Variants in ZNF440 observed in about 807,000 individuals in gnomAD.
ZNF440 encodes the protein zinc finger protein 440.
A neutral mutation model predicts 49.7 loss-of-function variants in ZNF440; 47 were observed. The observed-to-expected ratio is 0.95, with a 90% CI of 0.75 to 1.21. ZNF440 has a LOEUF of 1.21. ZNF440 is among the 50% of genes most tolerant of loss of function. ZNF440 has a pLI of 0.00. For synonymous variants in ZNF440, 255 were observed against 237.7 expected (o/e 1.07, Z -0.67); for missense variants, 703 against 715.0 (o/e 0.98, Z 0.19).
chr19:11,818,211 A>G (rs1256865442), intron 1 of ZNF440, among the ~76,000 whole-genome samples: 1 of 152,220 alleles, frequency 6.6e-6, no homozygotes, highest in Non-Finnish European at 1.5e-5. Context: ...TCTCAAAAAA[A>G]AACCAAAACG....
At chr19:11,819,460 A>G (rs1599289271) in intron 1 of ZNF440, among the ~76,000 whole-genome samples, 1 of 152,048 alleles carries the variant, frequency 6.6e-6, no homozygotes, top group Admixed American at 6.6e-5. Context: ...GCGCGGTGGC[A>G]CCATCTGGGC....
rs1160057468 is a variant in ZNF440, at chr19:11,834,959, T to G, written c.*1995T>G. ...ATCCTAGCTATTCAGGAGGCTGACA[T>G]AGGAGAATTGCTTGAATATAGGAAG... On this transcript the variant is annotated 3_prime_UTR_variant, in exon 4 of 4. Transcript: ENST00000304060. 6.6e-6 allele frequency: 1 copy of G among 152,092 alleles called. No individual in the cohort carries two copies. The highest frequency in any genetic ancestry group is 1.5e-5 in the Non-Finnish European group (1 of 68,046). 9.4% of individuals were successfully genotyped at this position (152,092 alleles called of 1,614,324 possible).
At position 11,825,819 on chromosome 19, in the gene ZNF440, T is replaced by TTC. The variant is rs1975858045; in HGVS notation, c.4-4463_4-4462insCT. Among the ~76,000 whole-genome samples the TTC allele has an allele frequency of 9.2e-4, 105 of 114,292 alleles. 1 individual carries two copies. The highest frequency in any genetic ancestry group is 4.0e-3 in the African/African-American group (103 of 25,610). The allele number at this position is 114,292 out of a possible 152,430, so 75.0% of individuals were successfully genotyped here. On this transcript the variant is annotated intron_variant, in intron 1 of 3. Coordinates refer to ENST00000304060, the MANE Select transcript of ZNF440 (RefSeq NM_152357.3). The stretch of plus-strand genomic sequence containing the variant: ...TTTTTTTTCTTTTCTTTTCTTTTCT[T>TTC]TTTTTTTTTTTTTGAGACAGAGTTT...
At chr19:11,819,780 A>T (rs981163250) in intron 1 of ZNF440, among the ~76,000 whole-genome samples, 1 of 152,264 alleles carries the variant, frequency 6.6e-6, no homozygotes, top group African/African-American at 2.4e-5. Flanking sequence ...ATTATGCCTG[A>T]TTAAGCATAA....
chr19:11,830,782 C>A, intron 3 of ZNF440, 105 bp downstream of exon 3: 3 of 1,399,020 alleles, frequency 2.1e-6, no homozygotes, highest in South Asian at 1.3e-5. Flanking sequence ...GGATCAAATT[C>A]ATTTATTTTT....
chr19:11,823,350 C>T (rs901343121), intron 1 of ZNF440, among the ~76,000 whole-genome samples: 5 of 151,860 alleles, frequency 3.3e-5, no homozygotes, highest in Non-Finnish European at 5.9e-5. Flanking sequence ...ATATTCATGC[C>T]GTAACACCCC....
At position 11,818,600 on chromosome 19, in the gene ZNF440, G is replaced by A. The variant is rs1975761537; in HGVS notation, c.3+4150G>A. 2.0e-5 allele frequency among the ~76,000 whole-genome samples: 3 copies of A among 152,072 alleles called. No homozygotes were observed. The South Asian group carries it at 6.2e-4, about 32-fold the overall frequency. On this transcript the variant is annotated intron_variant, in intron 1 of 3. Coordinates refer to ENST00000304060, the MANE Select transcript of ZNF440 (RefSeq NM_152357.3). ...AATATCTTGCTCTGTGGCCCAGGCT[G>A]GAGCAGTGGTGCGATCATGGCTTAC... is the stretch of plus-strand genomic sequence containing the variant.
In ZNF440 at chr19:11,814,340, G is replaced by A. The variant is rs2545817; in HGVS notation, c.-108G>A. On this transcript the variant is annotated 5_prime_UTR_variant, in exon 1 of 4. Coordinates refer to ENST00000304060, the MANE Select transcript of ZNF440 (RefSeq NM_152357.3). ...GATCTCGGCTTTCTTGCTTCGAGAG[G>A]GACTAGGTGCCTCCACCAGAGCTTC... The A allele has an allele frequency of 2.3e-6, 3 of 1,294,856 alleles. No homozygotes were observed. The highest frequency in any genetic ancestry group is 3.1e-6 in the Non-Finnish European group (3 of 971,362). 80.2% of individuals were successfully genotyped at this position (1,294,856 alleles called of 1,614,324 possible). A position where few individuals can be genotyped will look rare whatever the true frequency, so the allele number is the denominator to read the frequency against.
rs772873760 is a variant in ZNF440, at chr19:11,814,331, C to T, written c.-117C>T. 103 of 1,213,510 alleles carry T rather than the reference C, an allele frequency of 8.5e-5. No homozygotes were observed. Among genetic ancestry groups the T allele is most frequent in the Non-Finnish European group, 1.1e-4 (102 of 910,008 alleles). The allele number at this position is 1,213,510 out of a possible 1,614,324, so 75.2% of individuals were successfully genotyped here. A position where few individuals can be genotyped will look rare whatever the true frequency, so the allele number is the denominator to read the frequency against. On this transcript the variant is annotated 5_prime_UTR_variant, in exon 1 of 4. Transcript: ENST00000304060. ...AGCGGTCAGGATCTCGGCTTTCTTG[C>T]TTCGAGAGGGACTAGGTGCCTCCAC...
In ZNF440 at chr19:11,831,579, G is replaced by A; in HGVS notation, c.403G>A (p.Glu135Lys). ...AGGTGACATTGGACACAAGGCATATGAGTATCAGGAATATGGACCAAAGCC... is the reference window on the plus strand; with the variant it reads ...AGGTGACATTGGACACAAGGCATATAAGTATCAGGAATATGGACCAAAGCC... ...IRGDIGHKAY[E>K]YQEYGPKPCK... Residue 135 changes from glutamate (E) to lysine (K), a missense_variant, in exon 4 of 4, where the codon GAG (glutamate) becomes AAG (lysine). Transcript: ENST00000304060. 6.2e-7 allele frequency: 1 copy of A among 1,614,124 alleles called. No homozygotes were observed. The highest frequency in any genetic ancestry group is 8.5e-7 in the Non-Finnish European group (1 of 1,180,014).
chr19:11,832,801 C>T lies in ZNF440; in HGVS notation c.1625C>T (p.Pro542Leu). Residue 542 changes from proline (P) to leucine (L), a missense_variant, in exon 4 of 4, where the codon CCT becomes CTT. By Grantham distance (98) the Pro-to-Leu change is moderately conservative. Transcript: ENST00000304060. The stretch of plus-strand genomic sequence containing the variant: ...GTAGGACTCACCCTGAAGAGAAACC[C>T]TATGAGTGTGAGCAATGACGGAAAG... ...CMVGLTLKRN[P>L]MSVSNDGKPS... is the part of the protein sequence containing the mutation. The T allele has an allele frequency of 6.2e-7, 1 of 1,613,888 alleles. No individual in the cohort carries two copies. Among genetic ancestry groups the T allele is most frequent in the South Asian group, 1.1e-5 (1 of 91,068 alleles).
In ZNF440 at chr19:11,832,260, C is replaced by G. The variant is rs751074709; in HGVS notation, c.1084C>G (p.His362Asp). 6.2e-7 allele frequency: 1 copy of G among 1,614,040 alleles called. No homozygotes were observed. Among genetic ancestry groups the G allele is most frequent in the East Asian group, 2.2e-5 (1 of 44,860 alleles). ...TTCATTTCAAAGACATGAAAAAATT[C>G]ACAGTGGAGAGAAACCCTATAAATG... Reference protein sequence around the residue: ...VNSFQRHEKIHSGEKPYKCKQ... With the variant: ...VNSFQRHEKIDSGEKPYKCKQ... Residue 362 changes from histidine to aspartate, a missense_variant, in exon 4 of 4, where the codon CAC (histidine) becomes GAC (aspartate). Transcript: ENST00000304060.
intron 3 of ZNF440, 85 bp from the exon 4 acceptor site, chr19:11,831,283 T>C (rs1348837435): frequency 5.3e-6 from 8 of 1,504,928 alleles, no homozygotes; most frequent in Non-Finnish European, 7.1e-6. Context: ...ATGGAGAGTG[T>C]TAAAAATGCA....
At chr19:11,830,484 T>C in intron 2 of ZNF440, 75 bp downstream of exon 2, 1 of 1,605,870 alleles carries the variant, frequency 6.2e-7, no homozygotes, top group South Asian at 1.1e-5. Flanking sequence ...TGTTGAGTGA[T>C]TTAGAACATA....
At chr19:11,824,097 C>A (rs1975831716) in intron 1 of ZNF440, among the ~76,000 whole-genome samples, 1 of 149,162 alleles carries the variant, frequency 6.7e-6, no homozygotes, top group Admixed American at 6.8e-5. Flanking sequence ...GTAGAAGGAT[C>A]TGTTGAGCCT....
chr19:11,835,209 AC>A lies in ZNF440; in HGVS notation c.*2246del, dbSNP rs1976004531. The stretch of plus-strand genomic sequence containing the variant: ...TGAAACCCAGTCTCTACTAAAAAAT[AC>A]AAAAAATTAGTGAGGCGTGGTCTCA... On this transcript the variant is annotated 3_prime_UTR_variant, in exon 4 of 4. Transcript: ENST00000304060. 1 of 151,844 alleles carries A rather than the reference AC, an allele frequency of 6.6e-6. No homozygotes were observed. Among genetic ancestry groups the A allele is most frequent in the South Asian group, 2.1e-4 (1 of 4,824 alleles). The allele number at this position is 151,844 out of a possible 1,614,324, so 9.4% of individuals were successfully genotyped here. A position where few individuals can be genotyped will look rare whatever the true frequency, so the allele number is the denominator to read the frequency against.
At position 11,831,687 on chromosome 19, in the gene ZNF440, C is replaced by G; in HGVS notation, c.511C>G (p.Pro171Ala). 1 of 1,614,112 alleles carries G rather than the reference C, an allele frequency of 6.2e-7. No homozygotes were observed. Among genetic ancestry groups the G allele is most frequent in the Non-Finnish European group, 8.5e-7 (1 of 1,180,010 alleles). ...AGAAAGGGATCACACTGGAGAGAAACCCAATGCTTGTAAAGTATGTGGAAA... is the reference window on the plus strand; with the variant it reads ...AGAAAGGGATCACACTGGAGAGAAAGCCAATGCTTGTAAAGTATGTGGAAA... ...TQERDHTGEKPNACKVCGKTF... is the reference protein window; with the variant it reads ...TQERDHTGEKANACKVCGKTF... Residue 171 changes from proline (P) to alanine (A), a missense_variant, in exon 4 of 4, where the codon CCC becomes GCC. Coordinates refer to ENST00000304060, the MANE Select transcript of ZNF440 (RefSeq NM_152357.3).
At chr19:11,819,925 A>C (rs954767534) in intron 1 of ZNF440, among the ~76,000 whole-genome samples, 17 of 152,188 alleles carry the variant, frequency 1.1e-4, no homozygotes, top group African/African-American at 4.1e-4. Flanking sequence ...CACACTTTCC[A>C]GGGTGAGTGG....
At chr19:11,820,551 G>A (rs1282665945) in intron 1 of ZNF440, among the ~76,000 whole-genome samples, 1 of 152,110 alleles carries the variant, frequency 6.6e-6, no homozygotes, top group Non-Finnish European at 1.5e-5. Flanking sequence ...CCAGGTTTCG[G>A]GTTTTAGAAC....
Sources: gnomAD v4.1 joint callset for allele counts (sites outside exome capture counted in the v4.1 genomes callset) on GRCh38, gnomAD v4.1.1 for gene constraint, MANE v1.5 for transcripts, NCBI Gene and HGNC (gene_info 2026-07-23, HGNC 2026-07-21) for gene names.